Variants in NPFFR2 observed in about 807,000 individuals in gnomAD.
The protein encoded by NPFFR2 is G-protein coupled receptor 74.
A neutral mutation model predicts 13.1 loss-of-function variants in NPFFR2; 15 were observed. The observed-to-expected ratio is 1.15, with a 90% CI of 0.77 to 1.76. The LOEUF (loss-of-function observed/expected upper bound fraction) is 1.76. Ranked by LOEUF, NPFFR2 falls within the 40% of genes most tolerant of loss-of-function variation. NPFFR2 has a pLI of 0.00. For synonymous variants in NPFFR2, 190 were observed against 175.7 expected (o/e 1.08, Z -0.65); for missense variants, 572 against 503.5 (o/e 1.14, Z -1.30).
chr4:72,080,118 T>C (rs1321661181), intron 1 of NPFFR2, among the ~76,000 whole-genome samples: 3 of 151,638 alleles, frequency 2.0e-5, no homozygotes, highest in Non-Finnish European at 2.9e-5. Context: ...CAATTTCTTT[T>C]GAAATATAAA....
At chr4:72,091,040 T>C (rs1371889012) in intron 1 of NPFFR2, among the ~76,000 whole-genome samples, 1 of 152,078 alleles carries the variant, frequency 6.6e-6, no homozygotes, top group Non-Finnish European at 1.5e-5. Flanking sequence ...ATTTTAATCA[T>C]AACGGGATGC....
At chr4:72,068,964 A>G in intron 1 of NPFFR2, 1 of 1,435,106 alleles carries the variant, frequency 7.0e-7, no homozygotes, top group South Asian at 1.4e-5. Context: ...GACATACAAG[A>G]AACATCAAAA....
At chr4:72,123,889 A>G (rs1274693044) in intron 1 of NPFFR2, among the ~76,000 whole-genome samples, 2 of 152,258 alleles carry the variant, frequency 1.3e-5, no homozygotes, top group African/African-American at 4.8e-5. Context: ...CTCCTATTCA[A>G]CATAGTGTTG....
At chr4:72,099,975 G>A (rs1049064421) in intron 1 of NPFFR2, among the ~76,000 whole-genome samples, 1 of 151,764 alleles carries the variant, frequency 6.6e-6, no homozygotes, top group African/African-American at 2.4e-5. Context: ...CAGACATATG[G>A]GAATATTTTC....
intron 1 of NPFFR2, among the ~76,000 whole-genome samples, chr4:72,071,546 G>A (rs569273538): frequency 1.3e-5 from 2 of 152,248 alleles, no homozygotes; most frequent in Admixed American, 1.3e-4. Context: ...AAGGCTTGCA[G>A]TTGAAGACTT....
chr4:72,056,542 G>A (rs1719748922), intron 1 of NPFFR2, among the ~76,000 whole-genome samples: 1 of 152,018 alleles, frequency 6.6e-6, no homozygotes, highest in Non-Finnish European at 1.5e-5. Flanking sequence ...AGATCAATGA[G>A]TAATTTTGAC....
At chr4:72,069,534 G>A (rs181819744) in intron 1 of NPFFR2, among the ~76,000 whole-genome samples, 18 of 152,074 alleles carry the variant, frequency 1.2e-4, no homozygotes, top group Non-Finnish European at 2.5e-4. Context: ...AATCAGACAG[G>A]TATGCCTATG....
At chr4:72,123,349 G>T (rs1428648676) in intron 1 of NPFFR2, among the ~76,000 whole-genome samples, 2 of 149,498 alleles carry the variant, frequency 1.3e-5, no homozygotes, top group South Asian at 2.1e-4. Context: ...AAGAGGAGCT[G>T]GTACCGTTAC....
intron 1 of NPFFR2, among the ~76,000 whole-genome samples, chr4:72,049,028 A>G (rs6811187): frequency 0.89 from 135,234 of 151,980 alleles, 61,311 homozygotes; most frequent in Non-Finnish European, 0.98. Flanking sequence ...CTTCCAATAA[A>G]GAAAAGGAAG....
Position 72,147,490 on chromosome 4 carries a change from T to C in NPFFR2, c.941T>C (p.Ile314Thr), listed in dbSNP as rs182458784. 1,054 of 1,614,152 alleles carry C rather than the reference T, an allele frequency of 6.5e-4. 4 individuals are homozygous for C. The highest frequency in any genetic ancestry group is 2.7e-4 in the East Asian group (12 of 44,882). ...GAACTGCAGATCATCAACATCTACATCTACCCTTTTGCACACTGGCTGGCA... is the reference window on the plus strand; with the variant it reads ...GAACTGCAGATCATCAACATCTACACCTACCCTTTTGCACACTGGCTGGCA... The part of the protein sequence containing the change: ...PNELQIINIY[I>T]YPFAHWLAFG... The change falls in exon 4 of 4, where the codon ATC becomes ACC. Residue 314 changes from isoleucine to threonine, a missense_variant. By Grantham distance (89) the Ile-to-Thr change is moderately conservative (BLOSUM62 -1). Coordinates refer to ENST00000308744, the MANE Select transcript of NPFFR2 (RefSeq NM_004885.3).
intron 2 of NPFFR2, among the ~76,000 whole-genome samples, chr4:72,130,439 T>G (rs1183124764): frequency 6.6e-6 from 1 of 152,152 alleles, no homozygotes; most frequent in Non-Finnish European, 1.5e-5. Flanking sequence ...GTGTGCAACA[T>G]AAGTTTACAT....
chr4:72,127,170 G>A (rs1722073781), intron 1 of NPFFR2, among the ~76,000 whole-genome samples: 1 of 150,328 alleles, frequency 6.7e-6, no homozygotes. Context: ...TGGGCGTGGT[G>A]GCGGGTGCCT....
intron 1 of NPFFR2, among the ~76,000 whole-genome samples, chr4:72,100,781 A>G (rs1289291929): frequency 6.6e-6 from 1 of 152,104 alleles, no homozygotes; most frequent in East Asian, 1.9e-4. Flanking sequence ...ATAACATAAT[A>G]ATTGAACACA....
chr4:72,040,172 A>G (rs1485849666), intron 1 of NPFFR2, among the ~76,000 whole-genome samples: 1 of 152,136 alleles, frequency 6.6e-6, no homozygotes, highest in Non-Finnish European at 1.5e-5. Context: ...TGTATAGACA[A>G]TATATTTATT....
At chr4:72,118,976 T>C (rs1443950724) in intron 1 of NPFFR2, among the ~76,000 whole-genome samples, 5 of 152,256 alleles carry the variant, frequency 3.3e-5, no homozygotes, top group African/African-American at 9.6e-5. Flanking sequence ...GAGAATATAA[T>C]AGTGGAACAG....
intron 1 of NPFFR2, among the ~76,000 whole-genome samples, chr4:72,070,560 TGGGGG>T (rs748172308): frequency 0.084 from 869 of 10,390 alleles, 59 homozygotes; most frequent in African/African-American, 0.17. Flanking sequence ...TGTGTGTGTG[TGGGGG>T]GGGGGGGTGG....
At chr4:72,117,235 C>T (rs570950616) in intron 1 of NPFFR2, among the ~76,000 whole-genome samples, 1 of 152,134 alleles carries the variant, frequency 6.6e-6, no homozygotes, top group Non-Finnish European at 1.5e-5. Context: ...TGGCCTCATT[C>T]CTTTCTCGGC....
intron 3 of NPFFR2, among the ~76,000 whole-genome samples, chr4:72,141,858 G>A (rs1722637385): frequency 6.6e-6 from 1 of 152,158 alleles, no homozygotes; most frequent in African/African-American, 2.4e-5. Context: ...TGACAGTGGG[G>A]TGTTAAAGTC....
intron 1 of NPFFR2, among the ~76,000 whole-genome samples, chr4:72,106,478 C>T (rs1351381439): frequency 2.0e-5 from 3 of 152,022 alleles, no homozygotes; most frequent in Non-Finnish European, 2.9e-5. Flanking sequence ...ATGAAGAGAA[C>T]GCTTGTTAAG....
Sources: gnomAD v4.1 joint callset for allele counts (sites outside exome capture counted in the v4.1 genomes callset) on GRCh38, gnomAD v4.1.1 for gene constraint, MANE v1.5 for transcripts, NCBI Gene and HGNC (gene_info 2026-07-23, HGNC 2026-07-21) for gene names.